The following NF1 variants were observed in gnomAD, a reference collection of about 807,000 sequenced individuals.
The protein encoded by NF1 is neurofibromin.
In NF1, 122 loss-of-function variants were observed where a neutral mutation model predicts 325.7. The observed-to-expected ratio is 0.37, with a 90% CI of 0.32 to 0.44. The LOEUF is 0.44. NF1 is among the 20% of genes least tolerant of loss of function. NF1 has a pLI of 1.00. For synonymous variants in NF1, 1,091 were observed against 1,186.0 expected, an observed-to-expected ratio of 0.92 and a Z score of 1.65; for missense variants, 2,140 against 3,415.4, an observed-to-expected ratio of 0.63 and a Z score of 9.31.
chr17:31,139,203 A>G lies in NF1; in HGVS notation c.61-16780A>G, dbSNP rs758435591. 1.9e-4 allele frequency among the ~76,000 whole-genome samples: 29 copies of G among 152,130 alleles called. 1 individual carries two copies. The highest frequency in any genetic ancestry group is 2.9e-5 in the Non-Finnish European group (2 of 68,048). ...GCTGGGATTACAGGCATGTGCCACCATGCGTGGCTAAATTTTGTATTTTTA... is the reference window on the plus strand; with the variant it reads ...GCTGGGATTACAGGCATGTGCCACCGTGCGTGGCTAAATTTTGTATTTTTA... On this transcript the variant is annotated intron_variant, in intron 1 of 57. Transcript: ENST00000358273.
intron 40 of NF1, among the ~76,000 whole-genome samples, chr17:31,335,890 C>T (rs901066570): frequency 7.4e-6 from 1 of 135,416 alleles, no homozygotes; most frequent in African/African-American, 2.6e-5. Flanking sequence ...TAGGGTTTTG[C>T]CATGTTGCCC....
Position 31,260,371 on chromosome 17 carries a change from T to G in NF1, c.4433T>G (p.Phe1478Cys), listed in dbSNP as rs1597746900. The G allele has an allele frequency of 6.2e-7, 1 of 1,613,808 alleles. No homozygotes were observed. Among genetic ancestry groups the G allele is most frequent in the Non-Finnish European group, 8.5e-7 (1 of 1,179,910 alleles). ...CTAATGACTTTGCATTTTTGAAGGT[T>G]TTTCCTTGATATAGCATCTGATTGT... ...VKSNFDAARR[F>C]FLDIASDCPT... Residue 1478 changes from phenylalanine (F) to cysteine (C), a missense_variant and splice_region_variant, in exon 34 of 58, where the codon TTT becomes TGT. Phe to Cys is a radical substitution (Grantham distance 205). Around this residue, in one of 10 missense-constraint regions of NF1, gnomAD observed 336 missense variants for 399.0 expected, o/e 0.84. Coordinates refer to ENST00000358273, the MANE Select transcript of NF1 (RefSeq NM_001042492.3).
At chr17:31,190,263 C>CA (rs972578054) in intron 8 of NF1, among the ~76,000 whole-genome samples, 10 of 151,260 alleles carry the variant, frequency 6.6e-5, no homozygotes, top group South Asian at 2.1e-4. Flanking sequence ...TCTCAAAAAA[C>CA]AAAAAAACAA....
chr17:31,293,066 T>C (rs2068375192), intron 36 of NF1, among the ~76,000 whole-genome samples: 1 of 150,634 alleles, frequency 6.6e-6, no homozygotes, highest in Non-Finnish European at 1.5e-5. Context: ...TAATCCCAGC[T>C]ACTTGGGAGG....
intron 1 of NF1, among the ~76,000 whole-genome samples, chr17:31,111,812 T>G (rs1389972813): frequency 6.6e-6 from 1 of 152,132 alleles, no homozygotes; most frequent in Non-Finnish European, 1.5e-5. Flanking sequence ...TAGGAAATAA[T>G]GAAGAGCACA....
intron 36 of NF1, chr17:31,320,421 C>G: frequency 6.2e-7 from 1 of 1,610,556 alleles, no homozygotes; most frequent in South Asian, 1.1e-5. Flanking sequence ...AAACCAACTC[C>G]TAAGCAACAT....
intron 33 of NF1, among the ~76,000 whole-genome samples, chr17:31,259,900 T>C (rs992859577): frequency 6.6e-6 from 1 of 152,160 alleles, no homozygotes; most frequent in Non-Finnish European, 1.5e-5. Context: ...TTAGAGAAAT[T>C]GGAGTTGAAA....
At chr17:31,280,429 A>G (rs1393313107) in intron 36 of NF1, among the ~76,000 whole-genome samples, 1 of 149,042 alleles carries the variant, frequency 6.7e-6, no homozygotes, top group East Asian at 2.0e-4. Flanking sequence ...GGGCAGGAGA[A>G]TCGCTTGAAC....
In NF1 at chr17:31,171,495, G is replaced by A. The variant is rs140155763; in HGVS notation, c.586+1498G>A. Reference sequence around the variant, plus strand: ...GTCTAGTCCAGGTTGCCTGTGAATAGCTGTTTAAAACAATAGAAATGTTCA... The same window carrying A: ...GTCTAGTCCAGGTTGCCTGTGAATAACTGTTTAAAACAATAGAAATGTTCA... On this transcript the variant is annotated intron_variant, in intron 5 of 57. Transcript: ENST00000358273. Among the ~76,000 whole-genome samples, 1,025 of 152,242 alleles carry A rather than the reference G, an allele frequency of 6.7e-3. 16 individuals carry two copies. The highest frequency in any genetic ancestry group is 0.023 in the African/African-American group (962 of 41,544).
chr17:31,291,763 A>T (rs2068348121), intron 36 of NF1, among the ~76,000 whole-genome samples: 1 of 152,234 alleles, frequency 6.6e-6, no homozygotes. Flanking sequence ...CCATCTTCTC[A>T]TTCTGCTGTG....
intron 12 of NF1, among the ~76,000 whole-genome samples, chr17:31,207,348 CAGTT>C (rs1447121559): frequency 2.6e-5 from 4 of 152,038 alleles, no homozygotes; most frequent in African/African-American, 9.7e-5. Flanking sequence ...AGTCATTTCA[CAGTT>C]AGGAGATAAT....
intron 36 of NF1, among the ~76,000 whole-genome samples, chr17:31,291,008 A>ATAAATAAC (rs1410912206): frequency 1.9e-5 from 1 of 52,640 alleles, no homozygotes; most frequent in East Asian, 6.0e-4. Context: ...TCTGTATGAA[A>ATAAATAAC]TAAATAAATA....
At chr17:31,194,179 A>G (rs768640894) in intron 8 of NF1, among the ~76,000 whole-genome samples, 4 of 152,210 alleles carry the variant, frequency 2.6e-5, no homozygotes, top group Non-Finnish European at 5.9e-5. Flanking sequence ...AATATGGTAT[A>G]TATACACAAT....
chr17:31,120,118 T>C (rs1427699392), intron 1 of NF1, among the ~76,000 whole-genome samples: 1 of 152,190 alleles, frequency 6.6e-6, no homozygotes, highest in Non-Finnish European at 1.5e-5. Context: ...CCTATGAAAT[T>C]TAAAGTAGTT....
chr17:31,284,609 C>T (rs936934690), intron 36 of NF1, among the ~76,000 whole-genome samples: 17 of 151,294 alleles, frequency 1.1e-4, no homozygotes, highest in Admixed American at 1.3e-4. Flanking sequence ...TTTATAGAGA[C>T]GGGGTTTCGC....
chr17:31,359,876 G>C (rs2070360484), intron 56 of NF1: 1 of 156,756 alleles, frequency 6.4e-6, no homozygotes, highest in African/African-American at 2.4e-5. Flanking sequence ...CAGGGTTTCT[G>C]TTTCTTCCTT....
intron 20 of NF1, among the ~76,000 whole-genome samples, chr17:31,227,854 C>T (rs1567848317): frequency 6.6e-6 from 1 of 152,292 alleles, no homozygotes; most frequent in East Asian, 1.9e-4. Flanking sequence ...ATAGTAACCA[C>T]ATCGCAAGTA....
chr17:31,197,457 A>T (rs2066455185), intron 8 of NF1, among the ~76,000 whole-genome samples: 1 of 150,062 alleles, frequency 6.7e-6, no homozygotes, highest in South Asian at 2.1e-4. Flanking sequence ...GGAACGTGAG[A>T]TATCTTTCCA....
rs571302208 is a variant in NF1 at position 31,344,243 on chromosome 17, T to G, written c.7189+1108T>G. On this transcript the variant is annotated intron_variant, in intron 48 of 57. Transcript: ENST00000358273. ...TTCTCACCCCTTTCTATATTGCTTA[T>G]AGCCAGTGATCTCCAGCTATTCCTC... 2.0e-5 allele frequency among the ~76,000 whole-genome samples: 3 copies of G among 152,336 alleles called. No individual in the cohort carries two copies. The South Asian group carries it at 6.2e-4, about 32-fold the overall frequency.
Sources: allele counts gnomAD v4.1 joint callset (sites outside exome capture counted in the v4.1 genomes callset), GRCh38; gene constraint gnomAD v4.1.1; regional missense constraint gnomAD v4.1.1; transcripts MANE v1.5; gene names NCBI Gene and HGNC (gene_info 2026-07-23, HGNC 2026-07-21).